Variants in CD5L observed in about 807,000 individuals in gnomAD.
CD5L encodes the protein CD5 molecule like, also known as CD5 antigen-like.
Under a neutral mutation model 40.8 loss-of-function variants are expected in CD5L, and 39 were observed. That is an observed-to-expected ratio of 0.96 (90% confidence interval 0.74 to 1.25). CD5L has a LOEUF of 1.25. CD5L is among the 50% of genes most tolerant of loss of function. The probability of loss-of-function intolerance (pLI) is 0.00; values close to 1 mark genes in which losing one functional copy is unlikely to be tolerated. For synonymous variants in CD5L, 192 were observed against 169.6 expected (o/e 1.13, Z -1.03); for missense variants, 433 against 435.9 (o/e 0.99, Z 0.06).
Position 157,836,164 on chromosome 1 carries a change from A to T in CD5L, c.56-9T>A. Reference sequence around the variant, plus strand: ...CACTCCAGATGGAGACGCTGCAAAGAGACGGGTTGTTAGCTAGAGGCCTGA... The same window carrying T: ...CACTCCAGATGGAGACGCTGCAAAGTGACGGGTTGTTAGCTAGAGGCCTGA... On this transcript the variant is annotated splice_polypyrimidine_tract_variant and intron_variant, in intron 2 of 5. Transcript: ENST00000368174. 1 of 1,606,286 alleles carries T rather than the reference A, an allele frequency of 6.2e-7. No individual in the cohort carries two copies. Among genetic ancestry groups the T allele is most frequent in the Non-Finnish European group, 8.5e-7 (1 of 1,175,704 alleles).
At position 157,830,984 on chromosome 1, in the gene CD5L, C is replaced by T. The variant is rs1571447058; in HGVS notation, c.*980G>A. On this transcript the variant is annotated 3_prime_UTR_variant, in exon 6 of 6. Transcript: ENST00000368174. ...ATGTAGCCGTATAATAAGTACTCAG[C>T]CTAGCCTCAGAATCTAAAGTTGTCA... The T allele has an allele frequency of 2.0e-6, 2 of 985,248 alleles. No individual in the cohort carries two copies. The highest frequency in any genetic ancestry group is 2.4e-6 in the Non-Finnish European group (2 of 829,826). 61.0% of individuals were successfully genotyped at this position (985,248 alleles called of 1,614,324 possible). A position where few individuals can be genotyped will look rare whatever the true frequency, so the allele number is the denominator to read the frequency against.
downstream of CD5L, among the ~76,000 whole-genome samples, chr1:157,827,217 C>A (rs927847007): frequency 6.6e-6 from 1 of 151,058 alleles, no homozygotes; most frequent in African/African-American, 2.4e-5. Flanking sequence ...TCTTTCAGTA[C>A]CAAAATCTGT....
rs1394935947 is a variant in CD5L at position 157,831,570 on chromosome 1, T to C, written c.*394A>G. 9.8e-7 allele frequency: 1 copy of C among 1,020,872 alleles called. No individual in the cohort carries two copies. Among genetic ancestry groups the C allele is most frequent in the Non-Finnish European group, 1.2e-6 (1 of 853,768 alleles). The allele number at this position is 1,020,872 out of a possible 1,614,324, so 63.2% of individuals were successfully genotyped here. On this transcript the variant is annotated 3_prime_UTR_variant, in exon 6 of 6. Transcript: ENST00000368174. ...TTCCTTTAATGTTTGCAGACATAGA[T>C]TAGTAATAGGACCTAGATTAGTAAT...
chr1:157,833,281 C>A lies in CD5L; in HGVS notation c.950G>T (p.Gly317Val). 1 of 1,614,188 alleles carries A rather than the reference C, an allele frequency of 6.2e-7. No homozygotes were observed. The highest frequency in any genetic ancestry group is 1.1e-5 in the South Asian group (1 of 91,084). Residue 317 changes from glycine to valine, a missense_variant, in exon 5 of 6, where the codon GGG becomes GTG. Coordinates refer to ENST00000368174, the MANE Select transcript of CD5L (RefSeq NM_005894.3). The stretch of plus-strand genomic sequence containing the variant: ...GCACTGCTCCAGGGACTGCTCCTCC[C>A]CTGAGCAACGAACATTATCCAGCCA... The part of the protein sequence containing the change: ...RIWLDNVRCS[G>V]EEQSLEQCQH...
rs1330452756 is a variant in CD5L, at chr1:157,831,746, C to T, written c.*218G>A. On this transcript the variant is annotated 3_prime_UTR_variant, in exon 6 of 6. Coordinates refer to ENST00000368174, the MANE Select transcript of CD5L (RefSeq NM_005894.3). The stretch of plus-strand genomic sequence containing the variant: ...CAGGATACATGGAAGCTCATCTTCC[C>T]CAGCAAGAGGGAACTCAACAGCTCA... The T allele has an allele frequency of 2.4e-6, 3 of 1,274,964 alleles. No individual in the cohort carries two copies. Among genetic ancestry groups the T allele is most frequent in the Non-Finnish European group, 3.0e-6 (3 of 1,007,526 alleles). 79.0% of individuals were successfully genotyped at this position (1,274,964 alleles called of 1,614,324 possible).
rs754326299 is a variant in CD5L at position 157,835,956 on chromosome 1, T to C, written c.255A>G (p.Lys85=). The change falls in exon 3 of 6, where the codon AAA becomes AAG. Residue 85 remains lysine, a synonymous_variant. Coordinates refer to ENST00000368174, the MANE Select transcript of CD5L (RefSeq NM_005894.3). ...SGILYEPPAE[K]EQKVLIQSVS... ...CTGATTGGATGAGGACCTTTTGCTC[T>C]TTTTCTGCTGGTGGCTCATACAAAA... The C allele has an allele frequency of 6.2e-7, 1 of 1,614,212 alleles. No individual in the cohort carries two copies. The highest frequency in any genetic ancestry group is 8.5e-7 in the Non-Finnish European group (1 of 1,180,034).
rs1174501616 is a variant in CD5L, at chr1:157,831,194, C to T, written c.*770G>A. 5 of 985,034 alleles carry T rather than the reference C, an allele frequency of 5.1e-6. No individual in the cohort carries two copies. Among genetic ancestry groups the T allele is most frequent in the Admixed American group, 6.2e-5 (1 of 16,248 alleles). The allele number at this position is 985,034 out of a possible 1,614,324, so 61.0% of individuals were successfully genotyped here. A position where few individuals can be genotyped will look rare whatever the true frequency, so the allele number is the denominator to read the frequency against. Reference sequence around the variant, plus strand: ...TTTTCCCAGTAACCAATATATTTTTCTTTGAATAAAGTAAAATGTATTTTT... The same window carrying T: ...TTTTCCCAGTAACCAATATATTTTTTTTTGAATAAAGTAAAATGTATTTTT... On this transcript the variant is annotated 3_prime_UTR_variant, in exon 6 of 6. Transcript: ENST00000368174.
chr1:157,836,022 C>T lies in CD5L; in HGVS notation c.189G>A (p.Arg63=), dbSNP rs769603651. Residue 63 remains arginine, a synonymous_variant, in exon 3 of 6, where the codon CGG becomes CGA. Coordinates refer to ENST00000368174, the MANE Select transcript of CD5L (RefSeq NM_005894.3). Reference sequence around the variant, plus strand: ...CGCTGGCAGCTCCACAGCCCAGCTCCCGGCACAACACAGCCACGTCCTTAA... The same window carrying T: ...CGCTGGCAGCTCCACAGCCCAGCTCTCGGCACAACACAGCCACGTCCTTAA... The part of the protein sequence containing the change: ...WDIKDVAVLC[R]ELGCGAASGT... The T allele has an allele frequency of 6.2e-7, 1 of 1,614,174 alleles. No homozygotes were observed.
intron 4 of CD5L, among the ~76,000 whole-genome samples, chr1:157,833,771 T>A (rs1162672574): frequency 7.6e-6 from 1 of 132,126 alleles, no homozygotes; most frequent in Non-Finnish European, 1.6e-5. Context: ...AAGCTCAGCT[T>A]TTTTTTTTTT....
rs1656057077 is a variant in CD5L, at chr1:157,831,834, A to T, written c.*130T>A. 1.4e-6 allele frequency: 2 copies of T among 1,419,500 alleles called. No homozygotes were observed. The highest frequency in any genetic ancestry group is 5.4e-5 in the Admixed American group (2 of 36,710). The allele number at this position is 1,419,500 out of a possible 1,614,324, so 87.9% of individuals were successfully genotyped here. On this transcript the variant is annotated 3_prime_UTR_variant, in exon 6 of 6. Coordinates refer to ENST00000368174, the MANE Select transcript of CD5L (RefSeq NM_005894.3). The stretch of plus-strand genomic sequence containing the variant: ...AGTAAGGCATAAGCCCAGTGTTCAG[A>T]CTCCTGAGGGGATGAGGGAGTAGTG...
chr1:157,839,276 T>A, intron 2 of CD5L, 108 bp downstream of exon 2: 1 of 1,041,710 alleles, frequency 9.6e-7, no homozygotes, highest in Non-Finnish European at 1.5e-6. Context: ...AGAAAGGAAG[T>A]CTGCTGGGCC....
At chr1:157,832,013 G>A in intron 5 of CD5L, 45 bp from the exon 6 acceptor site, 1 of 1,430,868 alleles carries the variant, frequency 7.0e-7, no homozygotes, top group Non-Finnish European at 9.6e-7. Flanking sequence ...GTATAGTCCA[G>A]GAAGGAATTA....
downstream of CD5L, among the ~76,000 whole-genome samples, chr1:157,828,712 C>A (rs1268606000): frequency 6.6e-6 from 1 of 152,236 alleles, no homozygotes; most frequent in Non-Finnish European, 1.5e-5. Flanking sequence ...CTTCCTCAGT[C>A]TCTCACAAGT....
At chr1:157,841,357 G>T (rs1256025390) in intron 1 of CD5L, among the ~76,000 whole-genome samples, 3 of 152,272 alleles carry the variant, frequency 2.0e-5, no homozygotes, top group Admixed American at 6.5e-5. Context: ...ACTTGCTGCT[G>T]CCCGGTGCCC....
In CD5L at chr1:157,833,329, T is replaced by C; in HGVS notation, c.902A>G (p.Tyr301Cys). The C allele has an allele frequency of 6.2e-7, 1 of 1,614,130 alleles. No homozygotes were observed. The highest frequency in any genetic ancestry group is 8.5e-7 in the Non-Finnish European group (1 of 1,180,024). Residue 301 changes from tyrosine (Y) to cysteine (C), a missense_variant, in exon 5 of 6, where the codon TAT becomes TGT. Transcript: ENST00000368174. The stretch of plus-strand genomic sequence containing the variant: ...CCAGATGCGGCCAACCCCAGGGCCA[T>C]AGCATTTCCGGTCTCTGAAGGAGGG... ...LSPSFRDRKC[Y>C]GPGVGRIWLD...
In CD5L at chr1:157,830,925, A is replaced by G; in HGVS notation, c.*1039T>C. Reference sequence around the variant, plus strand: ...CAGAGAGGCAATTGTTGAGACTGTGAAATCTGATTTATTAGATAAGTGTAA... The same window carrying G: ...CAGAGAGGCAATTGTTGAGACTGTGGAATCTGATTTATTAGATAAGTGTAA... On this transcript the variant is annotated 3_prime_UTR_variant, in exon 6 of 6. Transcript: ENST00000368174. 1.1e-5 allele frequency: 11 copies of G among 984,198 alleles called. No homozygotes were observed. Among genetic ancestry groups the G allele is most frequent in the Middle Eastern group, 5.2e-4 (1 of 1,910 alleles). The allele number at this position is 984,198 out of a possible 1,614,324, so 61.0% of individuals were successfully genotyped here.
chr1:157,828,025 C>T (rs557282677), downstream of CD5L, among the ~76,000 whole-genome samples: 5 of 152,286 alleles, frequency 3.3e-5, no homozygotes, highest in East Asian at 5.8e-4. Flanking sequence ...TCTGCCTCAA[C>T]CATTTCACAG....
Position 157,836,102 on chromosome 1 carries a change from C to G in CD5L, c.109G>C (p.Val37Leu), listed in dbSNP as rs1228082048. 3 of 1,613,908 alleles carry G rather than the reference C, an allele frequency of 1.9e-6. No homozygotes were observed. The highest frequency in any genetic ancestry group is 1.7e-5 in the Admixed American group (1 of 60,012). ...CACTGGCCTTTCTGTTCCACCTCCACCCGCCCTTCACAGCGGTGGAGGCCC... is the reference window on the plus strand; with the variant it reads ...CACTGGCCTTTCTGTTCCACCTCCAGCCGCCCTTCACAGCGGTGGAGGCCC... The part of the protein sequence containing the change: ...VGGLHRCEGR[V>L]EVEQKGQWGT... The change falls in exon 3 of 6, where the codon GTG becomes CTG. Residue 37 changes from valine (V) to leucine (L), a missense_variant. Transcript: ENST00000368174.
chr1:157,834,769 C>T (rs550657109), intron 3 of CD5L, 21 bp from the exon 4 acceptor site: 93 of 1,584,044 alleles, frequency 5.9e-5, no homozygotes, highest in Non-Finnish European at 7.8e-5. Context: ...AGAAAGAGAG[C>T]GTGTCTGTTC....
Sources: allele counts gnomAD v4.1 joint callset (sites outside exome capture counted in the v4.1 genomes callset), GRCh38; gene constraint gnomAD v4.1.1; transcripts MANE v1.5; gene names NCBI Gene and HGNC (gene_info 2026-07-23, HGNC 2026-07-21).